Variants in EYS observed in about 807,000 individuals in gnomAD.
EYS encodes the protein EGF-like photoreceptor maintenance factor, also known as protein eyes shut homolog.
In EYS, 250 loss-of-function variants were observed where a neutral mutation model predicts 282.1. The ratio of observed to expected loss-of-function variants is 0.89; its 90% CI spans 0.80 to 0.98. The LOEUF (loss-of-function observed/expected upper bound fraction) is 0.98, where lower values mean the gene tolerates loss of function less well. Ranked by LOEUF, EYS falls within the 50% of genes least tolerant of loss-of-function variation. The pLI is 0.00. For missense variants in EYS, 4,016 were observed against 3,709.0 expected, an observed-to-expected ratio of 1.08 and a Z score of -2.15; for synonymous variants, 1,355 against 1,282.9, an observed-to-expected ratio of 1.06 and a Z score of -1.20.
At chr6:63,946,003 G>T (rs1232144020) in intron 35 of EYS, among the ~76,000 whole-genome samples, 1 of 152,088 alleles carries the variant, frequency 6.6e-6, no homozygotes, top group Non-Finnish European at 1.5e-5. Flanking sequence ...TAGAGTTCAG[G>T]GTTCTCTTCA....
At chr6:63,863,621 G>T (rs1355470672) in intron 36 of EYS, among the ~76,000 whole-genome samples, 1 of 148,948 alleles carries the variant, frequency 6.7e-6, no homozygotes, top group African/African-American at 2.5e-5. Flanking sequence ...CTAACCTCAG[G>T]GAAAACTCAT....
At chr6:64,915,105 G>T (rs371624138) in intron 15 of EYS, among the ~76,000 whole-genome samples, 12 of 151,986 alleles carry the variant, frequency 7.9e-5, no homozygotes, top group African/African-American at 2.9e-4. Flanking sequence ...AGTTTCTAAG[G>T]TGCTTTTTTT....
chr6:65,218,562 T>A (rs1371884413), intron 12 of EYS, among the ~76,000 whole-genome samples: 3 of 152,084 alleles, frequency 2.0e-5, no homozygotes, highest in Non-Finnish European at 4.4e-5. Flanking sequence ...TCATTGGGAT[T>A]TTGCCATTTG....
intron 2 of EYS, among the ~76,000 whole-genome samples, chr6:65,536,328 T>C (rs2127315159): frequency 6.6e-6 from 1 of 151,928 alleles, no homozygotes; most frequent in Admixed American, 6.6e-5. Context: ...GCAGAGATTT[T>C]TTTTTTTTTT....
At chr6:64,978,964 G>A (rs186994334) in intron 14 of EYS, among the ~76,000 whole-genome samples, 7 of 151,956 alleles carry the variant, frequency 4.6e-5, no homozygotes, top group Admixed American at 3.9e-4. Context: ...TCTACTTCTG[G>A]TGAAGATGCT....
intron 22 of EYS, among the ~76,000 whole-genome samples, chr6:64,686,297 CTAA>C (rs1217439500): frequency 6.6e-6 from 1 of 151,134 alleles, no homozygotes; most frequent in African/African-American, 2.4e-5. Context: ...ATTTAAATTT[CTAA>C]TAAGAGAAAT....
intron 35 of EYS, among the ~76,000 whole-genome samples, chr6:63,942,664 A>C (rs1765277873): frequency 6.6e-6 from 1 of 152,208 alleles, no homozygotes; most frequent in South Asian, 2.1e-4. Context: ...ATTGAAACTA[A>C]AGCAAACAGT....
chr6:65,419,345 G>C (rs1008527329), intron 5 of EYS, among the ~76,000 whole-genome samples: 7 of 151,664 alleles, frequency 4.6e-5, no homozygotes, highest in African/African-American at 1.7e-4. Context: ...ACAAGAGAAT[G>C]ATTAACAATT....
At chr6:65,350,696 C>T (rs575614956) in intron 9 of EYS, among the ~76,000 whole-genome samples, 2 of 151,628 alleles carry the variant, frequency 1.3e-5, no homozygotes, top group Non-Finnish European at 3.0e-5. Flanking sequence ...TTTCCTCAAA[C>T]TTAATAATAC....
At chr6:64,069,719 T>A (rs1771504694) in intron 32 of EYS, among the ~76,000 whole-genome samples, 1 of 152,040 alleles carries the variant, frequency 6.6e-6, no homozygotes, top group South Asian at 2.1e-4. Flanking sequence ...AATGAGTGGT[T>A]CTCAAACTCT....
chr6:65,635,927 C>A (rs1305635325), intron 2 of EYS, among the ~76,000 whole-genome samples: 1 of 152,148 alleles, frequency 6.6e-6, no homozygotes, highest in Non-Finnish European at 1.5e-5. Flanking sequence ...CCACCCCATC[C>A]CTTCCCTCAA....
intron 26 of EYS, among the ~76,000 whole-genome samples, chr6:64,451,200 A>G (rs1249431783): frequency 6.6e-6 from 1 of 152,222 alleles, no homozygotes; most frequent in East Asian, 1.9e-4. Flanking sequence ...CCACAGAAAT[A>G]CAAACTACCA....
At chr6:64,014,296 A>AT (rs951580196) in intron 33 of EYS, among the ~76,000 whole-genome samples, 117 of 147,678 alleles carry the variant, frequency 7.9e-4, no homozygotes, top group African/African-American at 1.6e-3. Flanking sequence ...TGTCCCTGCC[A>AT]TTTTTTTTTT....
chr6:64,327,120 C>T (rs774123950), intron 29 of EYS, among the ~76,000 whole-genome samples: 11 of 152,078 alleles, frequency 7.2e-5, no homozygotes, highest in South Asian at 2.1e-4. Flanking sequence ...TGGGGAGGCA[C>T]GGATCTCTTA....
intron 33 of EYS, among the ~76,000 whole-genome samples, chr6:64,038,224 T>G (rs944638149): frequency 2.0e-5 from 3 of 152,056 alleles, no homozygotes; most frequent in African/African-American, 7.2e-5. Context: ...CTTAGATAGG[T>G]TGAATCTGTT....
intron 12 of EYS, among the ~76,000 whole-genome samples, chr6:65,246,082 A>C (rs1201479588): frequency 1.3e-5 from 2 of 152,082 alleles, no homozygotes; most frequent in East Asian, 3.9e-4. Context: ...AGATACACAA[A>C]ATGATTTTTC....
chr6:65,511,755 C>T (rs1766876604), intron 2 of EYS, among the ~76,000 whole-genome samples: 1 of 151,970 alleles, frequency 6.6e-6, no homozygotes, highest in Non-Finnish European at 1.5e-5. Context: ...AAGTTCAAGA[C>T]CAGCCTGGTC....
At chr6:64,786,775 CA>C (rs1459262441) in intron 22 of EYS, among the ~76,000 whole-genome samples, 1 of 152,166 alleles carries the variant, frequency 6.6e-6, no homozygotes, top group African/African-American at 2.4e-5. Flanking sequence ...ATTCCTTCCC[CA>C]GGGGACCTGA....
At chr6:64,941,459 T>A (rs1221211030) in intron 15 of EYS, among the ~76,000 whole-genome samples, 1 of 152,090 alleles carries the variant, frequency 6.6e-6, no homozygotes, top group East Asian at 1.9e-4. Context: ...TTCTTTTTCA[T>A]GTGTATGCAT....
Sources: gnomAD v4.1 joint callset for allele counts (sites outside exome capture counted in the v4.1 genomes callset) on GRCh38, gnomAD v4.1.1 for gene constraint, MANE v1.5 for transcripts, NCBI Gene and HGNC (gene_info 2026-07-23, HGNC 2026-07-21) for gene names.